The following DCST1 variants were observed in gnomAD, a reference collection of about 807,000 sequenced individuals.
DCST1 encodes the protein DC-STAMP domain containing 1.
DCST1 carries 78 observed loss-of-function variants against 89.1 expected under a neutral mutation model. That is an observed-to-expected ratio of 0.88 (90% CI 0.73 to 1.06). The LOEUF is 1.06. Among genes scored for constraint, DCST1 ranks in the 50% least tolerant of loss-of-function variants. DCST1 has a pLI of 0.00. For synonymous variants in DCST1, 364 were observed against 371.9 expected, an observed-to-expected ratio of 0.98 and a Z score of 0.24; for missense variants, 900 against 928.6, an observed-to-expected ratio of 0.97 and a Z score of 0.40.
chr1:155,045,821 G>A, intron 10 of DCST1, 72 bp from the exon 11 acceptor site: 2 of 1,353,834 alleles, frequency 1.5e-6, no homozygotes, highest in Non-Finnish European at 2.1e-6. Context: ...TGTGCCTCAA[G>A]GAAGCCCATG....
Position 155,042,832 on chromosome 1 carries a change from A to AT in DCST1, c.994dup (p.Ser332PhefsTer5), listed in dbSNP as rs756330573. On this transcript the variant is annotated frameshift_variant, in exon 9 of 17. Coordinates refer to ENST00000295542, the MANE Select transcript of DCST1 (RefSeq NM_152494.4). LOFTEE classifies it high-confidence loss of function. ...AGTCTATTCGTGGCCTGGATGGGGA[A>AT]TTTTCAGCCAATATTGACTTCAAGG... is the stretch of plus-strand genomic sequence containing the variant. 2 of 1,614,014 alleles carry AT rather than the reference A, an allele frequency of 1.2e-6. No homozygotes were observed. Among genetic ancestry groups the AT allele is most frequent in the African/African-American group, 2.7e-5 (2 of 74,906 alleles).
rs1261042572 is a variant in DCST1, at chr1:155,048,183, G to A, written c.1869+13G>A. The A allele has an allele frequency of 2.5e-6, 4 of 1,609,678 alleles. No individual in the cohort carries two copies. Among genetic ancestry groups the A allele is most frequent in the East Asian group, 2.2e-5 (1 of 44,856 alleles). On this transcript the variant is annotated intron_variant, in intron 16 of 16. Transcript: ENST00000295542. ...GCAGAAGGCTCCGGTAAGTCCAGGC[G>A]TAAGTGCTGCTGCCAGCTCCTGGCT... is the stretch of plus-strand genomic sequence containing the variant.
chr1:155,040,655 G>T, intron 6 of DCST1, 31 bp downstream of exon 6: 1 of 1,528,884 alleles, frequency 6.5e-7, no homozygotes, highest in South Asian at 1.2e-5. Context: ...GAGCCTGGGG[G>T]GTCCCTCTCC....
chr1:155,037,890 G>A (rs1010999799), intron 4 of DCST1, among the ~76,000 whole-genome samples: 11 of 152,248 alleles, frequency 7.2e-5, no homozygotes, highest in African/African-American at 2.7e-4. Context: ...CTCAGCTCGA[G>A]TCTTTGGCCA....
chr1:155,040,568 C>A lies in DCST1; in HGVS notation c.475C>A (p.Arg159Ser). 2 of 1,589,584 alleles carry A rather than the reference C, an allele frequency of 1.3e-6. No individual in the cohort carries two copies. Among genetic ancestry groups the A allele is most frequent in the Non-Finnish European group, 8.6e-7 (1 of 1,167,114 alleles). Residue 159 changes from arginine to serine, a missense_variant, in exon 6 of 17, where the codon CGC (arginine) becomes AGC (serine). Transcript: ENST00000295542. The stretch of plus-strand genomic sequence containing the variant: ...CGTGGAGCTGCAGATCAACAACACC[C>A]GCGCAGCTTGGCGCATCTCCACAGC... ...CTVELQINNT[R>S]AAWRISTAPL... is the part of the protein sequence containing the mutation.
Position 155,043,361 on chromosome 1 carries a change from C to T in DCST1, c.1024C>T (p.Gln342Ter), listed in dbSNP as rs776157579. ...SANIDFKEEK[Q>*]AGVLGLNTSW... ...ATGTGCCCTCCACCAGGAAGAGAAG[C>T]AGGCTGGGGTGCTGGGGCTCAACAC... Residue 342 changes from glutamine (Q) to a stop codon, truncating the protein, a stop_gained, in exon 10 of 17, where the codon CAG (glutamine) becomes TAG (stop). Transcript: ENST00000295542. LOFTEE classifies it high-confidence loss of function. The T allele has an allele frequency of 1.2e-6, 2 of 1,614,070 alleles. No individual in the cohort carries two copies. Among genetic ancestry groups the T allele is most frequent in the South Asian group, 1.1e-5 (1 of 91,084 alleles).
chr1:155,042,991 G>C (rs1660482765), intron 9 of DCST1, 135 bp downstream of exon 9: 2 of 1,274,202 alleles, frequency 1.6e-6, no homozygotes, highest in Non-Finnish European at 2.1e-6. Context: ...GGGACAAGGA[G>C]GGGGAATGTC....
chr1:155,034,170 C>A, intron 2 of DCST1, 73 bp downstream of exon 2: 1 of 1,588,614 alleles, frequency 6.3e-7, no homozygotes, highest in South Asian at 1.1e-5. Context: ...GGAACTCCTG[C>A]ACACTATCCC....
rs779019792 is a variant in DCST1 at position 155,046,200 on chromosome 1, G to T, written c.1348G>T (p.Ala450Ser). 6 of 1,614,200 alleles carry T rather than the reference G, an allele frequency of 3.7e-6. No homozygotes were observed. The Admixed American group carries it at 1.0e-4, about 27-fold the overall frequency. The part of the protein sequence containing the change: ...VIFPCKPTIQ[A>S]SEMSNVVREL... ...CTTCCCTTGCAAGCCCACCATCCAGGCCTCAGAAATGAGCAATGTGGTGAG... is the reference window on the plus strand; with the variant it reads ...CTTCCCTTGCAAGCCCACCATCCAGTCCTCAGAAATGAGCAATGTGGTGAG... Residue 450 changes from alanine (A) to serine (S), a missense_variant, in exon 12 of 17, where the codon GCC (alanine) becomes TCC (serine). Ala to Ser is a moderately conservative substitution (Grantham distance 99, BLOSUM62 1). Coordinates refer to ENST00000295542, the MANE Select transcript of DCST1 (RefSeq NM_152494.4).
chr1:155,048,066 A>C lies in DCST1; in HGVS notation c.1765A>C (p.Lys589Gln), dbSNP rs1426274870. 5 of 1,613,838 alleles carry C rather than the reference A, an allele frequency of 3.1e-6. No individual in the cohort carries two copies. Among genetic ancestry groups the C allele is most frequent in the Non-Finnish European group, 4.2e-6 (5 of 1,179,980 alleles). The change falls in exon 16 of 17, where the codon AAG becomes CAG. Residue 589 changes from lysine (K) to glutamine (Q), a missense_variant. Coordinates refer to ENST00000295542, the MANE Select transcript of DCST1 (RefSeq NM_152494.4). ...CCCTTCCTGCCCCCAGCGAGAGAAG[A>C]AGCGGATCCTGTTCCTCTACAATGA... The part of the protein sequence containing the change: ...AAFYFPKREK[K>Q]RILFLYNDLL...
In DCST1 at chr1:155,048,096, T is replaced by G. The variant is rs201709428; in HGVS notation, c.1795T>G (p.Leu599Val). The change falls in exon 16 of 17, where the codon TTG (leucine) becomes GTG (valine). Residue 599 changes from leucine to valine, a missense_variant. By Grantham distance (32) the Leu-to-Val change is conservative (BLOSUM62 1). Coordinates refer to ENST00000295542, the MANE Select transcript of DCST1 (RefSeq NM_152494.4). ...GATCCTGTTCCTCTACAATGACCTA[T>G]TGAAGAAAAGAGCAGCCTTCACCAA... is the stretch of plus-strand genomic sequence containing the variant. ...KRILFLYNDL[L>V]KKRAAFTKLR... 6.2e-7 allele frequency: 1 copy of G among 1,613,768 alleles called. No individual in the cohort carries two copies. The highest frequency in any genetic ancestry group is 1.3e-5 in the African/African-American group (1 of 74,806).
intron 16 of DCST1, 99 bp from the exon 17 acceptor site, chr1:155,050,518 G>C (rs576137550): frequency 7.0e-7 from 1 of 1,427,136 alleles, no homozygotes; most frequent in South Asian, 1.5e-5. Context: ...CAACACGCGG[G>C]AATTGTCAGG....
chr1:155,048,010 A>G, intron 15 of DCST1, 47 bp from the exon 16 acceptor site: 1 of 1,613,020 alleles, frequency 6.2e-7, no homozygotes, highest in Non-Finnish European at 8.5e-7. Flanking sequence ...CCAACTCCAT[A>G]TTTGGGGGAT....
chr1:155,049,347 C>T, intron 16 of DCST1: 1 of 386,664 alleles, frequency 2.6e-6, no homozygotes, highest in Non-Finnish European at 4.6e-6. Flanking sequence ...CATCTCCAAG[C>T]ATCAGTTTTC....
intron 16 of DCST1, 121 bp from the exon 17 acceptor site, chr1:155,050,496 C>A: frequency 7.3e-7 from 1 of 1,375,852 alleles, no homozygotes; most frequent in Non-Finnish European, 9.6e-7. Flanking sequence ...CTTTGTCCAA[C>A]CCAGCCTCCT....
intron 9 of DCST1, 39 bp from the exon 10 acceptor site, chr1:155,043,313 G>A: frequency 4.3e-6 from 7 of 1,613,622 alleles, no homozygotes; most frequent in Non-Finnish European, 5.9e-6. Context: ...GTCTGACGAG[G>A]TGGCCGCAGG....
intron 6 of DCST1, among the ~76,000 whole-genome samples, 179 bp downstream of exon 6, chr1:155,040,803 G>C (rs993259819): frequency 4.6e-5 from 7 of 152,230 alleles, no homozygotes; most frequent in Non-Finnish European, 7.3e-5. Flanking sequence ...AATGCCAGGA[G>C]AGCCCCTGAG....
At chr1:155,037,244 G>A (rs1660304493) in intron 4 of DCST1, among the ~76,000 whole-genome samples, 1 of 152,046 alleles carries the variant, frequency 6.6e-6, no homozygotes, top group South Asian at 2.1e-4. Context: ...GCCTCATGAG[G>A]CTCTGCACTC....
At position 155,034,663 on chromosome 1, in the gene DCST1, G is replaced by A. The variant is rs759044612; in HGVS notation, c.198G>A (p.Gln66=). The change falls in exon 4 of 17, where the codon CAG becomes CAA. Residue 66 remains glutamine, a synonymous_variant. Transcript: ENST00000295542. ...AGGLLAIGLF[Q]LLVNPMNIYE... The stretch of plus-strand genomic sequence containing the variant: ...ACCTTGTGCCCTTAGGTCTCTTTCA[G>A]CTCCTGGTGAACCCCATGAACATCT... The A allele has an allele frequency of 3.5e-5, 56 of 1,614,190 alleles. No homozygotes were observed. In the East Asian group the frequency reaches 1.2e-3, roughly 35 times the overall value.
Sources: allele counts gnomAD v4.1 joint callset (sites outside exome capture counted in the v4.1 genomes callset), GRCh38; gene constraint gnomAD v4.1.1; transcripts MANE v1.5; gene names NCBI Gene and HGNC (gene_info 2026-07-23, HGNC 2026-07-21).